Variants in PAPPA2 observed in about 807,000 individuals in gnomAD.
The protein encoded by PAPPA2 is pappalysin 2.
A neutral mutation model predicts 176.4 loss-of-function variants in PAPPA2; 86 were observed. The observed-to-expected ratio is 0.49, with a 90% CI of 0.41 to 0.58. The LOEUF is 0.58. PAPPA2 is among the 20% of genes least tolerant of loss of function. The pLI is 0.00. For synonymous variants in PAPPA2, 809 were observed against 852.2 expected (o/e 0.95, Z 0.88); for missense variants, 2,073 against 2,256.9 (o/e 0.92, Z 1.65).
intron 21 of PAPPA2, among the ~76,000 whole-genome samples, chr1:176,836,037 G>A (rs937111741): frequency 1.1e-4 from 16 of 152,154 alleles, no homozygotes; most frequent in African/African-American, 3.9e-4. Context: ...TCAGGCCAGA[G>A]GTCACCATTC....
rs1163056267 is a variant in PAPPA2 at position 176,832,604 on chromosome 1, C to T, written c.5203-7569C>T. Among the ~76,000 whole-genome samples the T allele has an allele frequency of 2.0e-5, 3 of 152,136 alleles. No individual in the cohort carries two copies. In the East Asian group the frequency reaches 5.8e-4, roughly 29 times the overall value. ...CTGGCCTCAGGTGATCCACCCACCT[C>T]GGCCTCCCAAAGTGCTGGGATTACA... On this transcript the variant is annotated intron_variant, in intron 21 of 22. Coordinates refer to ENST00000367662, the MANE Select transcript of PAPPA2 (RefSeq NM_020318.3).
chr1:176,637,016 T>C (rs1019943408), intron 3 of PAPPA2, among the ~76,000 whole-genome samples: 1 of 152,098 alleles, frequency 6.6e-6, no homozygotes, highest in Non-Finnish European at 1.5e-5. Flanking sequence ...AGGAATTAGA[T>C]TGTACTTCTG....
chr1:176,510,525 T>C (rs898997152), intron 1 of PAPPA2, among the ~76,000 whole-genome samples: 2 of 152,082 alleles, frequency 1.3e-5, no homozygotes, highest in Non-Finnish European at 2.9e-5. Flanking sequence ...AGAAATGTTA[T>C]AAGACATTCT....
intron 4 of PAPPA2, among the ~76,000 whole-genome samples, chr1:176,680,291 G>A (rs568949663): frequency 6.6e-6 from 1 of 152,140 alleles, no homozygotes; most frequent in South Asian, 2.1e-4. Flanking sequence ...GGATGAGTTT[G>A]GTTTTATAAA....
intron 4 of PAPPA2, among the ~76,000 whole-genome samples, chr1:176,686,802 T>C (rs938847778): frequency 4.6e-5 from 7 of 152,156 alleles, no homozygotes; most frequent in African/African-American, 1.7e-4. Flanking sequence ...GAAATCTTAG[T>C]GATAAGCCAA....
At position 176,556,407 on chromosome 1, in the gene PAPPA2, A is replaced by T; in HGVS notation, c.85A>T (p.Thr29Ser). 6.2e-7 allele frequency: 1 copy of T among 1,614,190 alleles called. No homozygotes were observed. Among genetic ancestry groups the T allele is most frequent in the African/African-American group, 1.3e-5 (1 of 75,058 alleles). Residue 29 changes from threonine to serine, a missense_variant, in exon 2 of 23, where the codon ACA becomes TCA. Thr to Ser is a moderately conservative substitution (Grantham distance 58). Around this residue, in one of 4 missense-constraint regions of PAPPA2, gnomAD observed 1,196 missense variants for 1,330.4 expected, o/e 0.90. Transcript: ENST00000367662. ...LCSANSELGWTRKKSLVEREH... is the reference protein window; with the variant it reads ...LCSANSELGWSRKKSLVEREH... ...TTCTGCCAACTCTGAGCTGGGCTGG[A>T]CACGCAAGAAATCCTTGGTTGAGAG...
chr1:176,551,875 G>T (rs567178623), intron 1 of PAPPA2, among the ~76,000 whole-genome samples: 1 of 152,268 alleles, frequency 6.6e-6, no homozygotes, highest in South Asian at 2.1e-4. Flanking sequence ...AGATATGCTG[G>T]AAATGAAAGG....
At chr1:176,715,758 G>A (rs922229711) in intron 12 of PAPPA2, among the ~76,000 whole-genome samples, 1 of 152,072 alleles carries the variant, frequency 6.6e-6, no homozygotes, top group Non-Finnish European at 1.5e-5. Context: ...AAGACTAGCA[G>A]ACCCCTGGGA....
At chr1:176,641,887 A>G (rs1212157895) in intron 3 of PAPPA2, among the ~76,000 whole-genome samples, 1 of 151,946 alleles carries the variant, frequency 6.6e-6, no homozygotes, top group Non-Finnish European at 1.5e-5. Flanking sequence ...AACACTAAGA[A>G]AAGTCAAGGA....
chr1:176,483,969 A>G (rs891130875), intron 1 of PAPPA2, among the ~76,000 whole-genome samples: 1 of 152,058 alleles, frequency 6.6e-6, no homozygotes, highest in African/African-American at 2.4e-5. Flanking sequence ...AGTGAAGTAA[A>G]CCTTTCTTTA....
chr1:176,640,100 C>G (rs2102724947), intron 3 of PAPPA2, among the ~76,000 whole-genome samples: 1 of 151,374 alleles, frequency 6.6e-6, no homozygotes, highest in East Asian at 1.9e-4. Flanking sequence ...AGTTCCTATG[C>G]CATCCCCCAG....
chr1:176,544,951 G>A (rs1650551698), intron 1 of PAPPA2, among the ~76,000 whole-genome samples: 1 of 152,290 alleles, frequency 6.6e-6, no homozygotes, highest in South Asian at 2.1e-4. Flanking sequence ...GGGGCACGGA[G>A]CTCCCATGTC....
chr1:176,532,696 G>A (rs888506141), intron 1 of PAPPA2, among the ~76,000 whole-genome samples: 16 of 152,118 alleles, frequency 1.1e-4, no homozygotes, highest in African/African-American at 3.6e-4. Flanking sequence ...CACTTCAGAC[G>A]CAGTAAGGGT....
At chr1:176,714,328 T>G (rs1661274330) in intron 12 of PAPPA2, among the ~76,000 whole-genome samples, 1 of 151,638 alleles carries the variant, frequency 6.6e-6, no homozygotes, top group South Asian at 2.1e-4. Context: ...CATTCCAAAT[T>G]ATAAAAATAA....
chr1:176,472,340 A>C (rs1651918044), intron 1 of PAPPA2, among the ~76,000 whole-genome samples: 1 of 152,148 alleles, frequency 6.6e-6, no homozygotes, highest in Non-Finnish European at 1.5e-5. Context: ...AAGCCATTGT[A>C]ATCATTATCT....
chr1:176,778,922 G>T (rs970908463), intron 17 of PAPPA2, among the ~76,000 whole-genome samples: 7 of 152,156 alleles, frequency 4.6e-5, no homozygotes, highest in Admixed American at 4.6e-4. Context: ...AGCCCCTTTT[G>T]GCTTCACAGT....
Position 176,557,241 on chromosome 1 carries a change from G to C in PAPPA2, c.919G>C (p.Gly307Arg). The change falls in exon 2 of 23, where the codon GGT becomes CGT. Residue 307 changes from glycine (G) to arginine (R), a missense_variant and splice_region_variant. By Grantham distance (125) the Gly-to-Arg change is moderately radical. Coordinates refer to ENST00000367662, the MANE Select transcript of PAPPA2 (RefSeq NM_020318.3). ...GGQNNPAIIA[G>R]VFDNCSHTVS... Reference sequence around the variant, plus strand: ...ACAGAACAACCCAGCCATCATCGCAGGTAACACCCTTCTCCTGGGCTTTCT... The same window carrying C: ...ACAGAACAACCCAGCCATCATCGCACGTAACACCCTTCTCCTGGGCTTTCT... The C allele has an allele frequency of 6.3e-7, 1 of 1,577,046 alleles. No individual in the cohort carries two copies.
intron 2 of PAPPA2, among the ~76,000 whole-genome samples, chr1:176,585,036 C>T (rs1173335393): frequency 6.6e-6 from 1 of 152,162 alleles, no homozygotes; most frequent in Non-Finnish European, 1.5e-5. Context: ...CTGCACCTGG[C>T]CTGATTTGTT....
Position 176,844,645 on chromosome 1 carries a change from G to A in PAPPA2, c.*2191G>A, listed in dbSNP as rs1211389396. On this transcript the variant is annotated 3_prime_UTR_variant, in exon 23 of 23. Coordinates refer to ENST00000367662, the MANE Select transcript of PAPPA2 (RefSeq NM_020318.3). ...TTCTGATAGGCTTCAATATGCAAAG[G>A]ACAATGGAAAAGTTTAGACACTCTA... is the stretch of plus-strand genomic sequence containing the variant. 3.3e-5 allele frequency: 5 copies of A among 152,104 alleles called. No individual in the cohort carries two copies. The highest frequency in any genetic ancestry group is 3.3e-4 in the Admixed American group (5 of 15,262). 9.4% of individuals were successfully genotyped at this position (152,104 alleles called of 1,614,324 possible).
Sources: gnomAD v4.1 joint callset for allele counts (sites outside exome capture counted in the v4.1 genomes callset) on GRCh38, gnomAD v4.1.1 for gene constraint, gnomAD v4.1.1 regional missense constraint, MANE v1.5 for transcripts, NCBI Gene and HGNC (gene_info 2026-07-23, HGNC 2026-07-21) for gene names.